The following NRP1 variants were observed in gnomAD, a reference collection of about 807,000 sequenced individuals.
The protein encoded by NRP1 is neuropilin 1, also known as neuropilin-1.
A neutral mutation model predicts 106.7 loss-of-function variants in NRP1; 35 were observed. The observed-to-expected ratio is 0.33, with a 90% CI of 0.25 to 0.43. The LOEUF (loss-of-function observed/expected upper bound fraction) is 0.43. Among genes scored for constraint, NRP1 ranks in the 20% least tolerant of loss-of-function variants. The probability of loss-of-function intolerance (pLI) is 1.00; values close to 1 mark genes in which losing one functional copy is unlikely to be tolerated. For synonymous variants in NRP1, 437 were observed against 417.9 expected (o/e 1.05, Z -0.56); for missense variants, 1,024 against 1,170.4 (o/e 0.87, Z 1.83).
At chr10:33,269,652 C>T (rs539991338) in intron 3 of NRP1, among the ~76,000 whole-genome samples, 9 of 152,164 alleles carry the variant, frequency 5.9e-5, no homozygotes, top group Non-Finnish European at 1.3e-4. Context: ...CAGCAGGAGG[C>T]GAGTGGCAGG....
chr10:33,183,462 G>A (rs950957765), intron 15 of NRP1, among the ~76,000 whole-genome samples: 2 of 152,164 alleles, frequency 1.3e-5, no homozygotes, highest in East Asian at 3.8e-4. Context: ...CCTATAGTTT[G>A]TAGATAACTG....
At chr10:33,262,261 A>T (rs981576056) in intron 4 of NRP1, among the ~76,000 whole-genome samples, 1 of 152,196 alleles carries the variant, frequency 6.6e-6, no homozygotes, top group African/African-American at 2.4e-5. Flanking sequence ...ATTGGATATT[A>T]TCCCCCTCTG....
chr10:33,320,773 C>T lies in NRP1; in HGVS notation c.248+9935G>A, dbSNP rs73252200. ...ATGTGCAAAGCATTCTGTGGGACAG[C>T]GAAAGGTAGAAATGTAAGTAAGACA... On this transcript the variant is annotated intron_variant, in intron 2 of 16. Transcript: ENST00000374867. 6.0e-3 allele frequency among the ~76,000 whole-genome samples: 920 copies of T among 152,174 alleles called. 12 individuals are homozygous for T. The highest frequency in any genetic ancestry group is 0.02 in the African/African-American group (851 of 41,514).
intron 2 of NRP1, among the ~76,000 whole-genome samples, chr10:33,290,077 C>A (rs1844881914): frequency 6.6e-6 from 1 of 152,134 alleles, no homozygotes; most frequent in Non-Finnish European, 1.5e-5. Context: ...TTATTTCTCC[C>A]TTTTAGTATC....
At chr10:33,251,417 G>T (rs1259405489) in intron 6 of NRP1, among the ~76,000 whole-genome samples, 1 of 152,066 alleles carries the variant, frequency 6.6e-6, no homozygotes, top group African/African-American at 2.4e-5. Flanking sequence ...CTGCCTTGGG[G>T]CAGGCAACAT....
chr10:33,330,717 C>T lies in NRP1; in HGVS notation c.239G>A (p.Arg80Lys), dbSNP rs1848219987. ...AAACATTCCCACTTACTTGCAGTCT[C>T]TGTCCTCCAAATCGAAGTGAGGGTT... ...NFNPHFDLED[R>K]DCKYDYVEVF... is the part of the protein sequence containing the mutation. The change falls in exon 2 of 17, where the codon AGA becomes AAA. Residue 80 changes from arginine to lysine, a missense_variant. Arg to Lys is a conservative substitution (Grantham distance 26). This residue lies in a region of NRP1 where 279 missense variants were observed against 327.4 expected (regional missense o/e 0.85). Transcript: ENST00000374867. The T allele has an allele frequency of 1.2e-6, 2 of 1,612,056 alleles. No homozygotes were observed. The highest frequency in any genetic ancestry group is 1.7e-6 in the Non-Finnish European group (2 of 1,178,580).
At chr10:33,314,490 T>C (rs767020227) in intron 2 of NRP1, among the ~76,000 whole-genome samples, 12 of 152,216 alleles carry the variant, frequency 7.9e-5, no homozygotes, top group Non-Finnish European at 1.2e-4. Context: ...TTGGAAATAT[T>C]GCGGAAAACT....
chr10:33,242,132 GCCT>G (rs1841070946), intron 6 of NRP1, among the ~76,000 whole-genome samples: 2 of 149,348 alleles, frequency 1.3e-5, no homozygotes, highest in South Asian at 4.1e-4. Flanking sequence ...ACCTCTTCCT[GCCT>G]CCTTTTACTC....
chr10:33,186,507 G>T lies in NRP1; in HGVS notation c.2063-19C>A, dbSNP rs1431200538. 1.3e-6 allele frequency: 2 copies of T among 1,588,986 alleles called. No homozygotes were observed. The highest frequency in any genetic ancestry group is 3.4e-5 in the Admixed American group (2 of 58,126). On this transcript the variant is annotated intron_variant, in intron 13 of 16. Coordinates refer to ENST00000374867, the MANE Select transcript of NRP1 (RefSeq NM_003873.7). ...CCATCTCCTGCTGTGACAAAGAACT[G>T]TGTTAGGGAGAGTGGCCAGGATTAC...
chr10:33,189,335 A>G (rs1038009733), intron 13 of NRP1, among the ~76,000 whole-genome samples: 9 of 152,202 alleles, frequency 5.9e-5, no homozygotes, highest in African/African-American at 2.2e-4. Flanking sequence ...AAGCACACCA[A>G]ACATGAGCCA....
intron 8 of NRP1, among the ~76,000 whole-genome samples, chr10:33,220,900 C>CAAAAAAAAAAAAAAAA (rs35895871): frequency 2.0e-3 from 121 of 60,540 alleles, no homozygotes; most frequent in Non-Finnish European, 2.4e-3. Flanking sequence ...GGCTCAGTCT[C>CAAAAAAAAAAAAAAAA]AAAAAAAAAA....
At chr10:33,190,052 C>G (rs1836301149) in intron 13 of NRP1, among the ~76,000 whole-genome samples, 1 of 152,222 alleles carries the variant, frequency 6.6e-6, no homozygotes, top group Non-Finnish European at 1.5e-5. Context: ...GAAGGAATCG[C>G]ACTTCTCAGC....
Position 33,230,865 on chromosome 10 carries a change from T to C in NRP1, c.982-4576A>G, listed in dbSNP as rs143693367. On this transcript the variant is annotated intron_variant, in intron 6 of 16. Transcript: ENST00000374867. Reference sequence around the variant, plus strand: ...GTTAATCTGTCTTTTGTCAGTTTAATTTGCAGGCCCCAGTTGCAACACCTT... The same window carrying C: ...GTTAATCTGTCTTTTGTCAGTTTAACTTGCAGGCCCCAGTTGCAACACCTT... 6.6e-3 allele frequency among the ~76,000 whole-genome samples: 999 copies of C among 152,300 alleles called. 10 individuals are homozygous for C. The highest frequency in any genetic ancestry group is 0.023 in the African/African-American group (937 of 41,564).
chr10:33,264,290 A>C (rs1178757925), intron 3 of NRP1, among the ~76,000 whole-genome samples: 3 of 152,198 alleles, frequency 2.0e-5, no homozygotes, highest in African/African-American at 7.2e-5. Flanking sequence ...CGAGGGAGAG[A>C]ATTCAGTGGA....
chr10:33,183,696 AG>A (rs1013636947), intron 15 of NRP1, among the ~76,000 whole-genome samples: 4 of 152,212 alleles, frequency 2.6e-5, no homozygotes, highest in African/African-American at 9.6e-5. Flanking sequence ...AGCACATCAT[AG>A]GTGCTTTAAT....
intron 2 of NRP1, among the ~76,000 whole-genome samples, chr10:33,305,687 A>C (rs552252800): frequency 6.6e-6 from 1 of 152,256 alleles, no homozygotes; most frequent in Non-Finnish European, 1.5e-5. Context: ...AGGTTTAAAA[A>C]ATCATATACC....
At chr10:33,244,729 A>C (rs958744562) in intron 6 of NRP1, among the ~76,000 whole-genome samples, 1 of 152,196 alleles carries the variant, frequency 6.6e-6, no homozygotes, top group Non-Finnish European at 1.5e-5. Context: ...TCTTGATTAT[A>C]TTTGAATTAA....
intron 2 of NRP1, among the ~76,000 whole-genome samples, chr10:33,319,300 C>G (rs1847280707): frequency 6.6e-6 from 1 of 151,988 alleles, no homozygotes; most frequent in Non-Finnish European, 1.5e-5. Flanking sequence ...GTCACCGCGC[C>G]CAGAGGACTT....
intron 6 of NRP1, among the ~76,000 whole-genome samples, chr10:33,244,551 A>G (rs1387882243): frequency 1.3e-5 from 2 of 152,202 alleles, no homozygotes; most frequent in African/African-American, 2.4e-5. Context: ...CAGATGTGAA[A>G]CCATCAACTT....
Sources: gnomAD v4.1 joint callset for allele counts (sites outside exome capture counted in the v4.1 genomes callset) on GRCh38, gnomAD v4.1.1 for gene constraint, gnomAD v4.1.1 regional missense constraint, MANE v1.5 for transcripts, NCBI Gene and HGNC (gene_info 2026-07-23, HGNC 2026-07-21) for gene names.